The following POFUT3 variants were observed in gnomAD, a reference collection of about 807,000 sequenced individuals.
POFUT3 encodes GDP-fucose protein O-fucosyltransferase 3.
At chr8:33,312,640 T>C in the POFUT3 span, among the ~76,000 whole-genome samples, 2 of 152,180 alleles carry the variant, frequency 1.3e-5, no homozygotes, top group Non-Finnish European at 2.9e-5. Context: ...GGAAGCTCTT[T>C]GTCCACCCAG....
the POFUT3 span, among the ~76,000 whole-genome samples, chr8:33,381,390 A>C: frequency 6.6e-6 from 1 of 152,204 alleles, no homozygotes; most frequent in Non-Finnish European, 1.5e-5. Context: ...AAACTATTTA[A>C]AACATCACAT....
the POFUT3 span, among the ~76,000 whole-genome samples, chr8:33,341,291 C>T: frequency 6.6e-6 from 1 of 151,606 alleles, no homozygotes; most frequent in Non-Finnish European, 1.5e-5. Flanking sequence ...AAGAATTAGC[C>T]GAGGCTGGTG....
At chr8:33,467,038 A>C in the POFUT3 span, among the ~76,000 whole-genome samples, 1 of 151,986 alleles carries the variant, frequency 6.6e-6, no homozygotes, top group South Asian at 2.1e-4. Flanking sequence ...CCCAGGAGGC[A>C]GAGGTTGCAG....
chr8:33,465,111 C>T, the POFUT3 span, among the ~76,000 whole-genome samples: 3 of 152,120 alleles, frequency 2.0e-5, no homozygotes, highest in South Asian at 2.1e-4. Context: ...TTAACTATCA[C>T]TATTTCTTTC....
At chr8:33,419,290 C>G in the POFUT3 span, among the ~76,000 whole-genome samples, 1 of 152,288 alleles carries the variant, frequency 6.6e-6, no homozygotes, top group South Asian at 2.1e-4. Flanking sequence ...AGTCTCCAAC[C>G]CTTTTGGCAC....
At chr8:33,453,019 C>T in the POFUT3 span, 14 of 560,208 alleles carry the variant, frequency 2.5e-5, no homozygotes, top group East Asian at 4.0e-4. Flanking sequence ...ATTCAGAAGC[C>T]ACCACGCCCG....
chr8:33,329,570 T>C, the POFUT3 span, among the ~76,000 whole-genome samples: 1 of 152,342 alleles, frequency 6.6e-6, no homozygotes, highest in East Asian at 1.9e-4. Context: ...AAAGTTAGAC[T>C]GATTTCCCCA....
the POFUT3 span, among the ~76,000 whole-genome samples, chr8:33,319,136 T>G: frequency 2.0e-3 from 1 of 492 alleles, no homozygotes; most frequent in African/African-American, 8.1e-3. Context: ...TTTACATATA[T>G]TTATATAATA....
chr8:33,417,643 C>T, the POFUT3 span, among the ~76,000 whole-genome samples: 1 of 151,896 alleles, frequency 6.6e-6, no homozygotes, highest in Admixed American at 6.6e-5. Flanking sequence ...GGTTAGGGAA[C>T]AACAAGTCCA....
At chr8:33,338,326 T>C in the POFUT3 span, among the ~76,000 whole-genome samples, 1 of 151,984 alleles carries the variant, frequency 6.6e-6, no homozygotes, top group Non-Finnish European at 1.5e-5. Context: ...TTTTTTTTTT[T>C]AATTAACACC....
chr8:33,451,984 A>G, the POFUT3 span: 3 of 152,022 alleles, frequency 2.0e-5, no homozygotes, highest in Non-Finnish European at 4.4e-5. Context: ...CCCTTGACAC[A>G]TCGGGATTAT....
the POFUT3 span, among the ~76,000 whole-genome samples, chr8:33,379,558 C>T: frequency 1.4e-4 from 21 of 152,090 alleles, no homozygotes; most frequent in South Asian, 3.9e-3. Context: ...TAGTAAAAGG[C>T]TGGGCGCAGT....
chr8:33,455,997 C>T, the POFUT3 span: 9 of 354,380 alleles, frequency 2.5e-5, no homozygotes, highest in Admixed American at 3.8e-5. Flanking sequence ...TCACCTGAGA[C>T]GCCAAAGTCA....
chr8:33,444,914 G>A, the POFUT3 span, among the ~76,000 whole-genome samples: 5 of 145,166 alleles, frequency 3.4e-5, no homozygotes, highest in African/African-American at 1.0e-4. Context: ...AAAATCTATT[G>A]TTCAGTTATG....
chr8:33,319,477 A>AT, the POFUT3 span, among the ~76,000 whole-genome samples: 19 of 27,602 alleles, frequency 6.9e-4, 1 homozygote, highest in East Asian at 6.3e-3. Flanking sequence ...TATTTTATAT[A>AT]TTTATATAAT....
At chr8:33,360,114 C>A in the POFUT3 span, among the ~76,000 whole-genome samples, 11 of 152,020 alleles carry the variant, frequency 7.2e-5, no homozygotes, top group Non-Finnish European at 1.3e-4. Flanking sequence ...ATGACAGAAT[C>A]CAGCAAAGTA....
chr8:33,409,829 C>A, the POFUT3 span, among the ~76,000 whole-genome samples: 1 of 152,192 alleles, frequency 6.6e-6, no homozygotes, highest in Non-Finnish European at 1.5e-5. Context: ...GGCGTGAACC[C>A]ATGAGGCGGA....
At chr8:33,419,180 T>G in the POFUT3 span, among the ~76,000 whole-genome samples, 1 of 152,160 alleles carries the variant, frequency 6.6e-6, no homozygotes, top group Non-Finnish European at 1.5e-5. Context: ...GTGACTACAG[T>G]TAGCAACAAA....
the POFUT3 span, among the ~76,000 whole-genome samples, chr8:33,399,911 C>T: frequency 6.6e-6 from 1 of 151,918 alleles, no homozygotes; most frequent in East Asian, 1.9e-4. Context: ...ATCTCGGCCT[C>T]CCAAAGTGCT....
Sources: allele counts gnomAD v4.1 joint callset (sites outside exome capture counted in the v4.1 genomes callset), GRCh38; gene constraint gnomAD v4.1.1; transcripts MANE v1.5; gene names NCBI Gene and HGNC (gene_info 2026-07-23, HGNC 2026-07-21).